SOX5: variants seen among roughly 807,000 people sequenced by gnomAD.
The protein encoded by SOX5 is transcription factor SOX-5.
SOX5 carries 9 observed loss-of-function variants against 92.0 expected under a neutral mutation model. The ratio of observed to expected loss-of-function variants is 0.10; its 90% CI spans 0.06 to 0.17. The LOEUF is 0.17. Among genes scored for constraint, SOX5 ranks in the 10% least tolerant of loss-of-function variants. The pLI is 1.00. For synonymous variants in SOX5, 344 were observed against 336.3 expected (o/e 1.02, Z -0.25); for missense variants, 642 against 944.5 (o/e 0.68, Z 4.20).
intron 3 of SOX5, among the ~76,000 whole-genome samples, chr12:23,773,165 ATGAC>A (rs2094988226): frequency 6.6e-6 from 1 of 152,172 alleles, no homozygotes; most frequent in African/African-American, 2.4e-5. Context: ...AGTTTTAAGC[ATGAC>A]TATTTTTGTT....
At chr12:23,741,126 A>G in intron 4 of SOX5, 87 bp from the exon 5 acceptor site, 1 of 944,780 alleles carries the variant, frequency 1.1e-6, no homozygotes. Flanking sequence ...ATACAGAGCC[A>G]GTCCAAATAT....
intron 4 of SOX5, among the ~76,000 whole-genome samples, chr12:24,166,165 T>C (rs938487379): frequency 6.6e-6 from 1 of 151,982 alleles, no homozygotes; most frequent in Non-Finnish European, 1.5e-5. Flanking sequence ...GAATGACAAA[T>C]GGGTTTTGGC....
intron 11 of SOX5, among the ~76,000 whole-genome samples, chr12:23,548,366 T>A (rs1324969287): frequency 6.6e-6 from 1 of 152,050 alleles, no homozygotes. Context: ...AAGTAACCTA[T>A]AATTATCCAC....
chr12:24,444,291 TG>T (rs1941122598), intron 1 of SOX5, among the ~76,000 whole-genome samples: 1 of 151,972 alleles, frequency 6.6e-6, no homozygotes, highest in Non-Finnish European at 1.5e-5. Flanking sequence ...TGTGTGTGTG[TG>T]TGTGTGTGTG....
At chr12:24,049,548 T>C (rs1248092697) in intron 4 of SOX5, among the ~76,000 whole-genome samples, 1 of 151,814 alleles carries the variant, frequency 6.6e-6, no homozygotes, top group Non-Finnish European at 1.5e-5. Flanking sequence ...CAGCTAATCA[T>C]TAGATGACAG....
At chr12:24,285,421 A>G (rs1467951403) in intron 2 of SOX5, among the ~76,000 whole-genome samples, 1 of 152,182 alleles carries the variant, frequency 6.6e-6, no homozygotes, top group East Asian at 1.9e-4. Context: ...ATTTTACATG[A>G]CAATAAACAA....
intron 6 of SOX5, among the ~76,000 whole-genome samples, chr12:23,728,941 C>G (rs75083181): frequency 0.011 from 1,710 of 152,098 alleles, 40 homozygotes; most frequent in African/African-American, 0.04. Flanking sequence ...CTAAATAAAG[C>G]CTTTCTAAAA....
At chr12:24,007,038 C>G (rs1039955091) in intron 4 of SOX5, among the ~76,000 whole-genome samples, 1 of 149,700 alleles carries the variant, frequency 6.7e-6, no homozygotes, top group Admixed American at 6.8e-5. Flanking sequence ...GAGGCTGAGG[C>G]AGGAGAACCA....
intron 4 of SOX5, among the ~76,000 whole-genome samples, chr12:23,751,783 T>C (rs748782679): frequency 6.6e-5 from 10 of 151,894 alleles, no homozygotes; most frequent in Non-Finnish European, 7.4e-5. Flanking sequence ...CACAAAATTA[T>C]AGCCTTGCAA....
intron 4 of SOX5, among the ~76,000 whole-genome samples, chr12:24,073,738 C>T (rs1942109260): frequency 6.6e-6 from 1 of 152,062 alleles, no homozygotes; most frequent in Non-Finnish European, 1.5e-5. Context: ...CAAATTTAAC[C>T]TTTTACCTAG....
At chr12:23,977,588 A>G (rs920677771) in intron 4 of SOX5, among the ~76,000 whole-genome samples, 13 of 144,832 alleles carry the variant, frequency 9.0e-5, no homozygotes, top group African/African-American at 3.4e-4. Flanking sequence ...GCTTGAACCC[A>G]GGAAGCAAAG....
intron 4 of SOX5, among the ~76,000 whole-genome samples, chr12:24,075,701 C>T (rs1021860871): frequency 1.3e-5 from 2 of 152,084 alleles, no homozygotes; most frequent in Non-Finnish European, 2.9e-5. Flanking sequence ...AGTTTAAATG[C>T]TCCTCAGCTG....
intron 7 of SOX5, among the ~76,000 whole-genome samples, chr12:23,642,823 C>T (rs2080262132): frequency 9.0e-6 from 1 of 111,276 alleles, no homozygotes; most frequent in African/African-American, 2.7e-5. Flanking sequence ...CGCGGTGGCT[C>T]ACGCCTGTAA....
intron 6 of SOX5, among the ~76,000 whole-genome samples, chr12:23,682,387 G>A (rs900640480): frequency 1.3e-5 from 2 of 151,612 alleles, no homozygotes; most frequent in Non-Finnish European, 3.0e-5. Context: ...CTTGTGAATT[G>A]AGTCTAAGTT....
chr12:23,736,237 G>A (rs574936867), intron 5 of SOX5, among the ~76,000 whole-genome samples: 76 of 152,156 alleles, frequency 5.0e-4, no homozygotes, highest in African/African-American at 1.6e-3. Context: ...TGAGGTGGGT[G>A]GATCACGAGG....
chr12:23,804,055 A>G (rs1393550882), intron 3 of SOX5, among the ~76,000 whole-genome samples: 1 of 152,234 alleles, frequency 6.6e-6, no homozygotes, highest in East Asian at 1.9e-4. Flanking sequence ...TAAGTATTCA[A>G]CAATTCCTCA....
intron 4 of SOX5, among the ~76,000 whole-genome samples, chr12:24,151,332 A>G (rs777590712): frequency 6.6e-6 from 1 of 152,122 alleles, no homozygotes; most frequent in Non-Finnish European, 1.5e-5. Flanking sequence ...GTATGTACAT[A>G]ATGAATGTAT....
chr12:24,506,015 T>C (rs1348126381), intron 1 of SOX5, among the ~76,000 whole-genome samples: 1 of 152,180 alleles, frequency 6.6e-6, no homozygotes, highest in Non-Finnish European at 1.5e-5. Flanking sequence ...ATTTGCCTTG[T>C]AAATGGACTT....
chr12:24,234,439 AC>A (rs201889818), intron 3 of SOX5, among the ~76,000 whole-genome samples: 2,197 of 152,276 alleles, frequency 0.014, 56 homozygotes, highest in African/African-American at 0.05. Flanking sequence ...GTGCAGTGGC[AC>A]AATCTCGGTT....
Sources: gnomAD v4.1 joint callset for allele counts (sites outside exome capture counted in the v4.1 genomes callset) on GRCh38, gnomAD v4.1.1 for gene constraint, MANE v1.5 for transcripts, NCBI Gene and HGNC (gene_info 2026-07-23, HGNC 2026-07-21) for gene names.